The following CTNNA3 variants were observed in gnomAD, a reference collection of about 807,000 sequenced individuals.
CTNNA3 encodes catenin alpha 3.
Under a neutral mutation model 95.7 loss-of-function variants are expected in CTNNA3, and 76 were observed. The ratio of observed to expected loss-of-function variants is 0.79; its 90% CI spans 0.66 to 0.96. The LOEUF is 0.96. CTNNA3 is among the 40% of genes least tolerant of loss of function. CTNNA3 has a pLI of 0.00. For synonymous variants in CTNNA3, 431 were observed against 374.4 expected, an observed-to-expected ratio of 1.15 and a Z score of -1.74; for missense variants, 1,191 against 1,089.8, an observed-to-expected ratio of 1.09 and a Z score of -1.31.
intron 5 of CTNNA3, among the ~76,000 whole-genome samples, chr10:67,363,986 T>C (rs575398438): frequency 1.3e-5 from 2 of 152,288 alleles, no homozygotes; most frequent in East Asian, 3.9e-4. Flanking sequence ...TGAGGCAGCA[T>C]CATCCTGATA....
At chr10:66,806,916 G>T (rs1841674872) in intron 7 of CTNNA3, among the ~76,000 whole-genome samples, 1 of 151,844 alleles carries the variant, frequency 6.6e-6, no homozygotes, top group Non-Finnish European at 1.5e-5. Flanking sequence ...AATTGAGAGA[G>T]ACATCTATGT....
chr10:66,360,682 CCTTCCTTCCT>C (rs2092655201), intron 12 of CTNNA3, among the ~76,000 whole-genome samples: 4 of 48,050 alleles, frequency 8.3e-5, no homozygotes, highest in Admixed American at 2.7e-4. Context: ...TTCCTTCCTT[CCTTCCTTCCT>C]TTTCTTTCTT....
intron 7 of CTNNA3, among the ~76,000 whole-genome samples, chr10:66,907,251 A>G (rs1260923517): frequency 2.0e-5 from 3 of 152,060 alleles, no homozygotes; most frequent in African/African-American, 7.2e-5. Flanking sequence ...ATTTTTTTCA[A>G]TTTCACTAAT....
chr10:67,319,114 A>G (rs985082013), intron 5 of CTNNA3, among the ~76,000 whole-genome samples: 9 of 152,224 alleles, frequency 5.9e-5, no homozygotes, highest in African/African-American at 1.2e-4. Flanking sequence ...TCAGCCCCCA[A>G]TAAAAACCCT....
chr10:66,263,502 T>C (rs2091067504), intron 13 of CTNNA3, among the ~76,000 whole-genome samples: 1 of 152,026 alleles, frequency 6.6e-6, no homozygotes, highest in Non-Finnish European at 1.5e-5. Flanking sequence ...GGTTCAGTCA[T>C]TGTCAGGGTA....
intron 11 of CTNNA3, among the ~76,000 whole-genome samples, chr10:66,394,569 A>AG (rs1248835070): frequency 6.9e-6 from 1 of 144,600 alleles, no homozygotes; most frequent in Non-Finnish European, 1.5e-5. Context: ...AAAAAAAAAA[A>AG]AAGAAGAAGA....
At chr10:66,347,802 A>G (rs1437357882) in intron 12 of CTNNA3, among the ~76,000 whole-genome samples, 2 of 152,138 alleles carry the variant, frequency 1.3e-5, no homozygotes, top group Admixed American at 6.5e-5. Context: ...CTGGAAATAC[A>G]TAAATCTGAA....
intron 11 of CTNNA3, among the ~76,000 whole-genome samples, chr10:66,450,893 TA>T (rs1293366700): frequency 6.6e-6 from 1 of 152,138 alleles, no homozygotes; most frequent in Non-Finnish European, 1.5e-5. Context: ...TTTTTGAAGA[TA>T]AAGTAACATA....
chr10:67,636,787 A>T (rs1232518546), intron 2 of CTNNA3, among the ~76,000 whole-genome samples: 1 of 152,206 alleles, frequency 6.6e-6, no homozygotes, highest in Non-Finnish European at 1.5e-5. Flanking sequence ...ACTCCAACAG[A>T]CCTGCAGCTG....
At chr10:66,188,583 G>A (rs1325235244) in intron 13 of CTNNA3, among the ~76,000 whole-genome samples, 3 of 133,164 alleles carry the variant, frequency 2.3e-5, no homozygotes, top group African/African-American at 6.2e-5. Flanking sequence ...TGTGTGGGGG[G>A]AGGGGGGGTC....
chr10:67,149,132 G>A (rs920513559), intron 7 of CTNNA3, among the ~76,000 whole-genome samples: 2 of 152,058 alleles, frequency 1.3e-5, no homozygotes, highest in African/African-American at 4.8e-5. Context: ...AATATTCCCA[G>A]TTTACTCTCA....
At chr10:67,573,817 T>C (rs1842054601) in intron 3 of CTNNA3, among the ~76,000 whole-genome samples, 1 of 152,044 alleles carries the variant, frequency 6.6e-6, no homozygotes, top group Non-Finnish European at 1.5e-5. Context: ...TTGTACTATG[T>C]ATCAAATGCT....
At chr10:67,106,306 C>T (rs1232935309) in intron 7 of CTNNA3, among the ~76,000 whole-genome samples, 2 of 152,164 alleles carry the variant, frequency 1.3e-5, no homozygotes, top group Non-Finnish European at 2.9e-5. Flanking sequence ...TAACTGCATG[C>T]TTTTCTGCCA....
chr10:65,966,346 T>C (rs1372056148), intron 17 of CTNNA3, among the ~76,000 whole-genome samples: 1 of 152,218 alleles, frequency 6.6e-6, no homozygotes, highest in African/African-American at 2.4e-5. Flanking sequence ...TAAATTAACA[T>C]GCATTTCTTA....
At chr10:65,930,199 T>TAAAAAAAAAA (rs71472402) in intron 17 of CTNNA3, among the ~76,000 whole-genome samples, 25 of 60,714 alleles carry the variant, frequency 4.1e-4, no homozygotes, top group South Asian at 8.3e-4. Context: ...CAGAGCTCAG[T>TAAAAAAAAAA]AAAAAAAAAA....
intron 11 of CTNNA3, among the ~76,000 whole-genome samples, chr10:66,479,446 T>C (rs936287088): frequency 3.3e-5 from 5 of 152,066 alleles, no homozygotes; most frequent in African/African-American, 1.2e-4. Flanking sequence ...AAAAACATAT[T>C]GTGATATTAA....
At chr10:66,043,842 C>T (rs993659561) in intron 15 of CTNNA3, among the ~76,000 whole-genome samples, 44 of 152,120 alleles carry the variant, frequency 2.9e-4, no homozygotes, top group African/African-American at 9.4e-4. Flanking sequence ...GGCAAACTGA[C>T]GCTCCTGAAA....
intron 12 of CTNNA3, among the ~76,000 whole-genome samples, chr10:66,324,846 C>A (rs565891627): frequency 7.0e-6 from 1 of 142,866 alleles, no homozygotes; most frequent in African/African-American, 2.6e-5. Context: ...AAGGTAGAAC[C>A]AAGCACAGCC....
intron 7 of CTNNA3, among the ~76,000 whole-genome samples, chr10:67,011,136 T>C (rs111618239): frequency 0.016 from 2,468 of 152,216 alleles, 85 homozygotes; most frequent in African/African-American, 0.055. Context: ...AAGACCATCC[T>C]GGCTAACACG....
Sources: gnomAD v4.1 joint callset for allele counts (sites outside exome capture counted in the v4.1 genomes callset) on GRCh38, gnomAD v4.1.1 for gene constraint, MANE v1.5 for transcripts, NCBI Gene and HGNC (gene_info 2026-07-23, HGNC 2026-07-21) for gene names.